ZCWPW2: variants seen among roughly 807,000 people sequenced by gnomAD.
ZCWPW2 encodes zinc finger CW-type and PWWP domain containing 2.
ZCWPW2 carries 45 observed loss-of-function variants against 46.6 expected under a neutral mutation model. The ratio of observed to expected loss-of-function variants is 0.96; its 90% CI spans 0.76 to 1.24. The LOEUF (loss-of-function observed/expected upper bound fraction) is 1.24. Among genes scored for constraint, ZCWPW2 ranks in the 50% most tolerant of loss-of-function variants. The pLI, the probability that ZCWPW2 is intolerant of heterozygous loss-of-function variation, is 0.00. For synonymous variants in ZCWPW2, 152 were observed against 137.1 expected (o/e 1.11, Z -0.76); for missense variants, 429 against 403.9 (o/e 1.06, Z -0.53).
intron 4 of ZCWPW2, among the ~76,000 whole-genome samples, chr3:28,457,561 C>A (rs1422975282): frequency 6.6e-6 from 1 of 152,174 alleles, no homozygotes; most frequent in African/African-American, 2.4e-5. Context: ...ACACTTCTTG[C>A]AGTTCTATTT....
At chr3:28,356,968 C>T (rs556979854) in intron 1 of ZCWPW2, among the ~76,000 whole-genome samples, 13 of 151,176 alleles carry the variant, frequency 8.6e-5, no homozygotes, top group East Asian at 5.8e-4. Flanking sequence ...CAAACCTGCA[C>T]GTTGTGCACA....
In ZCWPW2 at chr3:28,434,092, A is replaced by T. The variant is rs1335013220; in HGVS notation, c.333-1018A>T. 1.3e-5 allele frequency among the ~76,000 whole-genome samples: 2 copies of T among 152,234 alleles called. 1 individual carries two copies. Among genetic ancestry groups the T allele is most frequent in the South Asian group, 4.1e-4 (2 of 4,828 alleles). ...TTTTCTTAGTGCTAAATTTGTTTTT[A>T]TTTACATTCACAATCAGGAATTTTT... On this transcript the variant is annotated intron_variant, in intron 3 of 9. Transcript: ENST00000383768.
At chr3:28,479,245 A>G (rs1699344740) in intron 5 of ZCWPW2, among the ~76,000 whole-genome samples, 1 of 152,190 alleles carries the variant, frequency 6.6e-6, no homozygotes, top group Non-Finnish European at 1.5e-5. Flanking sequence ...ATATTTCACA[A>G]TGGGAACCAT....
intron 6 of ZCWPW2, among the ~76,000 whole-genome samples, chr3:28,500,502 C>T (rs1274343604): frequency 1.3e-5 from 2 of 151,962 alleles, no homozygotes; most frequent in Non-Finnish European, 2.9e-5. Context: ...CTTATTAATG[C>T]CAATAATTTA....
Position 28,515,568 on chromosome 3 carries a change from A to G in ZCWPW2, c.731A>G (p.Lys244Arg), listed in dbSNP as rs1289831901. ...TCTTTTTCTAGGAAAGCAATTTTAA[A>G]ATGCTCTTTTGAAAATGTTTATTCT... ...FRKRKRKAIL[K>R]CSFENVYSDD... Residue 244 changes from lysine to arginine, a missense_variant, in exon 8 of 10, where the codon AAA (lysine) becomes AGA (arginine). By Grantham distance (26) the Lys-to-Arg change is conservative. Transcript: ENST00000383768. The G allele has an allele frequency of 2.5e-6, 4 of 1,610,942 alleles. No individual in the cohort carries two copies. Among genetic ancestry groups the G allele is most frequent in the Admixed American group, 3.3e-5 (2 of 59,762 alleles).
intron 5 of ZCWPW2, among the ~76,000 whole-genome samples, chr3:28,491,075 T>A (rs1207767527): frequency 6.6e-6 from 1 of 152,140 alleles, no homozygotes; most frequent in Non-Finnish European, 1.5e-5. Flanking sequence ...TAACTAACCA[T>A]AATACAAGGA....
At chr3:28,451,676 G>A (rs915289755) in intron 4 of ZCWPW2, among the ~76,000 whole-genome samples, 1 of 152,134 alleles carries the variant, frequency 6.6e-6, no homozygotes, top group Non-Finnish European at 1.5e-5. Context: ...ATTAAAAAGT[G>A]TTTTGCTTCT....
At chr3:28,388,458 T>C (rs1444571752) in intron 1 of ZCWPW2, among the ~76,000 whole-genome samples, 2 of 152,132 alleles carry the variant, frequency 1.3e-5, no homozygotes, top group Non-Finnish European at 2.9e-5. Flanking sequence ...AACACACTAA[T>C]CCTTTTTCCA....
chr3:28,391,919 C>T (rs1046750517), intron 2 of ZCWPW2, among the ~76,000 whole-genome samples: 1 of 152,020 alleles, frequency 6.6e-6, no homozygotes, highest in Non-Finnish European at 1.5e-5. Context: ...CACAAAACAG[C>T]CAGAAAAAAT....
intron 6 of ZCWPW2, among the ~76,000 whole-genome samples, chr3:28,504,807 T>C (rs1700235200): frequency 6.6e-6 from 1 of 152,208 alleles, no homozygotes; most frequent in African/African-American, 2.4e-5. Flanking sequence ...GCTAAGCAAC[T>C]GTGTCACAAA....
At chr3:28,353,877 G>A (rs879685068) in intron 1 of ZCWPW2, among the ~76,000 whole-genome samples, 1 of 152,188 alleles carries the variant, frequency 6.6e-6, no homozygotes, top group Non-Finnish European at 1.5e-5. Context: ...TGTAAGAGAA[G>A]ACTCAGTGGA....
At position 28,389,453 on chromosome 3, in the gene ZCWPW2, T is replaced by C. The variant is rs191988258; in HGVS notation, c.-133-1045T>C. On this transcript the variant is annotated intron_variant, in intron 1 of 9. Coordinates refer to ENST00000383768, the MANE Select transcript of ZCWPW2 (RefSeq NM_001040432.4). ...TGCATGGTTGCCCAGATCTTGGCTT[T>C]TATAAGTGCTTAATTAGGAGCATCC... Among the ~76,000 whole-genome samples the C allele has an allele frequency of 4.2e-4, 64 of 152,306 alleles. 1 individual carries two copies. Among genetic ancestry groups the C allele is most frequent in the African/African-American group, 1.5e-3 (63 of 41,564 alleles).
At chr3:28,401,238 G>A (rs13082167) in intron 2 of ZCWPW2, among the ~76,000 whole-genome samples, 42,362 of 151,678 alleles carry the variant, frequency 0.28, 6,123 homozygotes, top group Middle Eastern at 0.33. Flanking sequence ...ACAGGTAACA[G>A]ATAGAAAGAT....
At chr3:28,417,481 T>G (rs1446202736) in intron 3 of ZCWPW2, among the ~76,000 whole-genome samples, 1 of 151,760 alleles carries the variant, frequency 6.6e-6, no homozygotes, top group East Asian at 1.9e-4. Flanking sequence ...TTCCAATCAA[T>G]AGAAAAAGAG....
At chr3:28,452,635 TA>T (rs1175499037) in intron 4 of ZCWPW2, among the ~76,000 whole-genome samples, 2 of 152,202 alleles carry the variant, frequency 1.3e-5, no homozygotes, top group Admixed American at 6.5e-5. Context: ...ATCTGCCTTA[TA>T]AAGTGGATAT....
At chr3:28,492,103 C>A (rs1559527625) in intron 5 of ZCWPW2, 24 bp from the exon 6 acceptor site, 5 of 1,604,814 alleles carry the variant, frequency 3.1e-6, no homozygotes, top group Non-Finnish European at 4.2e-6. Flanking sequence ...TTTTTTGAAG[C>A]AGCCATGTTT....
At chr3:28,451,796 A>G (rs755437076) in intron 4 of ZCWPW2, among the ~76,000 whole-genome samples, 2 of 152,228 alleles carry the variant, frequency 1.3e-5, no homozygotes, top group Non-Finnish European at 2.9e-5. Context: ...GTGGAGTGAA[A>G]CAGGATACAG....
intron 1 of ZCWPW2, among the ~76,000 whole-genome samples, chr3:28,378,574 A>G (rs1382354697): frequency 6.6e-6 from 1 of 152,116 alleles, no homozygotes; most frequent in Non-Finnish European, 1.5e-5. Context: ...CAGATCATTT[A>G]ACTGACTTGC....
intron 7 of ZCWPW2, 94 bp downstream of exon 7, chr3:28,514,216 T>C: frequency 1.3e-6 from 1 of 784,996 alleles, no homozygotes; most frequent in Non-Finnish European, 1.8e-6. Context: ...CTAAACAACA[T>C]CTTTACGTCT....
Sources: gnomAD v4.1 joint callset for allele counts (sites outside exome capture counted in the v4.1 genomes callset) on GRCh38, gnomAD v4.1.1 for gene constraint, MANE v1.5 for transcripts, NCBI Gene and HGNC (gene_info 2026-07-23, HGNC 2026-07-21) for gene names.